Variants in ZNF804B observed in about 807,000 individuals in gnomAD.
ZNF804B encodes the protein zinc finger protein 804B.
ZNF804B carries 80 observed loss-of-function variants against 101.4 expected under a neutral mutation model. The observed-to-expected ratio is 0.79, with a 90% CI of 0.66 to 0.95. The LOEUF is 0.95. Ranked by LOEUF, ZNF804B falls within the 40% of genes least tolerant of loss-of-function variation. The pLI, the probability that ZNF804B is intolerant of heterozygous loss-of-function variation, is 0.00. For synonymous variants in ZNF804B, 622 were observed against 558.8 expected, an observed-to-expected ratio of 1.11 and a Z score of -1.59; for missense variants, 1,673 against 1,561.9, an observed-to-expected ratio of 1.07 and a Z score of -1.20.
At chr7:89,180,582 A>G (rs1388899800) in intron 1 of ZNF804B, among the ~76,000 whole-genome samples, 1 of 151,908 alleles carries the variant, frequency 6.6e-6, no homozygotes, top group Non-Finnish European at 1.5e-5. Flanking sequence ...TAAGCCTACA[A>G]TGGGGGTTTC....
At chr7:89,093,897 G>T (rs534704961) in intron 1 of ZNF804B, among the ~76,000 whole-genome samples, 1 of 152,334 alleles carries the variant, frequency 6.6e-6, no homozygotes, top group African/African-American at 2.4e-5. Context: ...TTAGAACTTT[G>T]AGAAACCACT....
chr7:89,151,476 A>G (rs187633831), intron 1 of ZNF804B, among the ~76,000 whole-genome samples: 1 of 152,230 alleles, frequency 6.6e-6, no homozygotes, highest in East Asian at 1.9e-4. Context: ...TGACTTAATC[A>G]TCAACGTAGA....
intron 2 of ZNF804B, among the ~76,000 whole-genome samples, chr7:89,272,814 A>C (rs1789918236): frequency 6.6e-6 from 1 of 152,118 alleles, no homozygotes; most frequent in Non-Finnish European, 1.5e-5. Context: ...CAGGAAAACA[A>C]AACAAGCGTT....
intron 1 of ZNF804B, among the ~76,000 whole-genome samples, chr7:88,907,119 T>C (rs1327991728): frequency 2.0e-5 from 3 of 152,038 alleles, no homozygotes; most frequent in Non-Finnish European, 4.4e-5. Flanking sequence ...ACAAATTTGG[T>C]TTTACCCATA....
chr7:88,839,616 C>T (rs1791266950), intron 1 of ZNF804B, among the ~76,000 whole-genome samples: 1 of 151,630 alleles, frequency 6.6e-6, no homozygotes, highest in Non-Finnish European at 1.5e-5. Flanking sequence ...AGCTTATTTG[C>T]AATATTAGAT....
At chr7:88,852,484 C>A (rs2115831464) in intron 1 of ZNF804B, among the ~76,000 whole-genome samples, 1 of 152,146 alleles carries the variant, frequency 6.6e-6, no homozygotes, top group African/African-American at 2.4e-5. Context: ...CTGCCCAATC[C>A]TTGTTACCTG....
At chr7:89,053,047 T>C (rs945995296) in intron 1 of ZNF804B, among the ~76,000 whole-genome samples, 2 of 152,174 alleles carry the variant, frequency 1.3e-5, no homozygotes, top group Admixed American at 6.5e-5. Context: ...CCAACTTCTC[T>C]TGATACATAC....
intron 1 of ZNF804B, among the ~76,000 whole-genome samples, chr7:88,938,336 T>C (rs191014418): frequency 1.1e-3 from 164 of 152,138 alleles, no homozygotes; most frequent in African/African-American, 2.9e-3. Context: ...CTCTTTAGGA[T>C]TGGGAGGGTC....
intron 1 of ZNF804B, among the ~76,000 whole-genome samples, chr7:89,191,997 A>T (rs1021453962): frequency 1.7e-4 from 26 of 152,254 alleles, no homozygotes; most frequent in African/African-American, 6.3e-4. Flanking sequence ...CTCTAAAAAA[A>T]ATTGATCCTG....
chr7:89,242,445 A>T (rs943430498), intron 2 of ZNF804B, among the ~76,000 whole-genome samples: 1 of 151,930 alleles, frequency 6.6e-6, no homozygotes, highest in Non-Finnish European at 1.5e-5. Context: ...AATATGTATT[A>T]TTCCACTGCC....
intron 1 of ZNF804B, among the ~76,000 whole-genome samples, chr7:88,922,241 T>C (rs965477145): frequency 6.6e-6 from 1 of 152,106 alleles, no homozygotes. Flanking sequence ...TATTAGCTTT[T>C]ACTACTGGAA....
intron 1 of ZNF804B, among the ~76,000 whole-genome samples, chr7:89,050,302 A>T (rs1789179287): frequency 6.6e-6 from 1 of 151,574 alleles, no homozygotes; most frequent in African/African-American, 2.4e-5. Flanking sequence ...TGAAGGGATT[A>T]TGGGTTATTG....
intron 1 of ZNF804B, among the ~76,000 whole-genome samples, chr7:88,830,671 T>C (rs2115781568): frequency 6.6e-6 from 1 of 152,092 alleles, no homozygotes; most frequent in East Asian, 1.9e-4. Context: ...GAAACTGACA[T>C]TGGTGAAACA....
intron 1 of ZNF804B, among the ~76,000 whole-genome samples, chr7:89,112,640 G>T (rs1790236461): frequency 6.6e-6 from 1 of 152,068 alleles, no homozygotes; most frequent in African/African-American, 2.4e-5. Flanking sequence ...GAATCAGTTT[G>T]TCAATAAACA....
intron 1 of ZNF804B, among the ~76,000 whole-genome samples, chr7:88,950,868 A>G (rs965175294): frequency 1.3e-5 from 2 of 151,854 alleles, no homozygotes; most frequent in Non-Finnish European, 2.9e-5. Flanking sequence ...TCCTTTTCAG[A>G]TATACAGAAA....
chr7:89,311,562 G>T (rs942956733), intron 2 of ZNF804B, among the ~76,000 whole-genome samples: 1 of 151,982 alleles, frequency 6.6e-6, no homozygotes, highest in African/African-American at 2.4e-5. Flanking sequence ...ATTTTTATTT[G>T]TTCATTACAG....
chr7:89,169,979 C>A (rs186868079), intron 1 of ZNF804B, among the ~76,000 whole-genome samples: 30 of 152,258 alleles, frequency 2.0e-4, no homozygotes, highest in African/African-American at 6.3e-4. Context: ...AGAGATTTTA[C>A]TGAAAAATTT....
intron 1 of ZNF804B, among the ~76,000 whole-genome samples, chr7:88,853,805 A>G (rs936678975): frequency 6.6e-6 from 1 of 152,100 alleles, no homozygotes; most frequent in Non-Finnish European, 1.5e-5. Flanking sequence ...AGAACCATAG[A>G]TATTAAGATG....
intron 2 of ZNF804B, among the ~76,000 whole-genome samples, chr7:89,282,789 G>A (rs1220358626): frequency 1.3e-5 from 2 of 152,172 alleles, no homozygotes; most frequent in East Asian, 1.9e-4. Context: ...CTGGAGTGAT[G>A]CAGTCACAAG....
Sources: allele counts gnomAD v4.1 joint callset (sites outside exome capture counted in the v4.1 genomes callset), GRCh38; gene constraint gnomAD v4.1.1; transcripts MANE v1.5; gene names NCBI Gene and HGNC (gene_info 2026-07-23, HGNC 2026-07-21).